The following TNS3 variants were observed in gnomAD, a reference collection of about 807,000 sequenced individuals.
TNS3 encodes the protein tensin-3.
In TNS3, 45 loss-of-function variants were observed where a neutral mutation model predicts 140.9. The ratio of observed to expected loss-of-function variants is 0.32; its 90% confidence interval spans 0.25 to 0.41. TNS3 has a LOEUF of 0.41. TNS3 is among the 10% of genes least tolerant of loss of function. The pLI is 1.00. For synonymous variants in TNS3, 815 were observed against 788.4 expected (o/e 1.03, Z -0.56); for missense variants, 1,716 against 1,906.7 (o/e 0.90, Z 1.86).
chr7:47,393,466 G>A (rs1792646694), intron 16 of TNS3, among the ~76,000 whole-genome samples: 1 of 152,136 alleles, frequency 6.6e-6, no homozygotes, highest in Admixed American at 6.5e-5. Flanking sequence ...GAAGGTTGCT[G>A]AGATCCAGTT....
At position 47,320,148 on chromosome 7, in the gene TNS3, G is replaced by A. The variant is rs139997033; in HGVS notation, c.2651-15145C>T. 3.0e-4 allele frequency among the ~76,000 whole-genome samples: 45 copies of A among 152,152 alleles called. No homozygotes were observed. In the East Asian group the frequency reaches 6.0e-3, roughly 20 times the overall value. ...TATTTTACTAATAGTGACTATCTGCGCGGTGCTCAGTGGGCTTACTTGACC... is the reference window on the plus strand; with the variant it reads ...TATTTTACTAATAGTGACTATCTGCACGGTGCTCAGTGGGCTTACTTGACC... On this transcript the variant is annotated intron_variant, in intron 20 of 30. Coordinates refer to ENST00000311160, the MANE Select transcript of TNS3 (RefSeq NM_022748.12).
At chr7:47,402,230 A>G (rs1362772589) in intron 13 of TNS3, among the ~76,000 whole-genome samples, 3 of 152,202 alleles carry the variant, frequency 2.0e-5, no homozygotes, top group African/African-American at 7.2e-5. Flanking sequence ...GGACGGGTAA[A>G]TAAACCAAAA....
At chr7:47,494,350 A>G (rs1399337025) in intron 3 of TNS3, among the ~76,000 whole-genome samples, 1 of 150,832 alleles carries the variant, frequency 6.6e-6, no homozygotes, top group Non-Finnish European at 1.5e-5. Flanking sequence ...CAACCTCCTG[A>G]GGTTCAATCG....
At chr7:47,464,746 G>A (rs1796634278) in intron 4 of TNS3, among the ~76,000 whole-genome samples, 1 of 152,078 alleles carries the variant, frequency 6.6e-6, no homozygotes, top group South Asian at 2.1e-4. Flanking sequence ...TTATACTAAC[G>A]ACCTTGTCAC....
rs577462984 is a variant in TNS3, at chr7:47,457,932, C to T, written c.-75-15877G>A. Among the ~76,000 whole-genome samples, 4 of 152,292 alleles carry T rather than the reference C, an allele frequency of 2.6e-5. No individual in the cohort carries two copies. In the East Asian group the frequency reaches 7.7e-4, roughly 29 times the overall value. On this transcript the variant is annotated intron_variant, in intron 4 of 30. Coordinates refer to ENST00000311160, the MANE Select transcript of TNS3 (RefSeq NM_022748.12). ...CCTCAGGTGCACCCTGAACTTGCTC[C>T]TAGCAGCTCACAAGCAGAAGCTTGA...
chr7:47,530,817 C>T (rs1799365664), intron 1 of TNS3, among the ~76,000 whole-genome samples: 2 of 24,774 alleles, frequency 8.1e-5, no homozygotes, highest in South Asian at 4.5e-3. Context: ...GAGTGAAACT[C>T]CATCTCAAAA....
At chr7:47,289,267 T>A (rs1297311271) in intron 27 of TNS3, among the ~76,000 whole-genome samples, 1 of 152,200 alleles carries the variant, frequency 6.6e-6, no homozygotes, top group African/African-American at 2.4e-5. Flanking sequence ...AATGGAGGTA[T>A]TTCTAGTCCA....
intron 9 of TNS3, among the ~76,000 whole-genome samples, chr7:47,425,049 T>A (rs1020174035): frequency 2.6e-5 from 4 of 152,196 alleles, no homozygotes; most frequent in African/African-American, 7.2e-5. Flanking sequence ...CTGGGTGCGG[T>A]GGCTCACGCC....
chr7:47,290,108 G>A (rs1469322624), intron 27 of TNS3, among the ~76,000 whole-genome samples: 2 of 152,166 alleles, frequency 1.3e-5, no homozygotes, highest in African/African-American at 2.4e-5. Flanking sequence ...TTAGACAAAA[G>A]AGCAAAGGGA....
chr7:47,525,759 A>T (rs995087465), intron 2 of TNS3, among the ~76,000 whole-genome samples: 1 of 152,214 alleles, frequency 6.6e-6, no homozygotes, highest in African/African-American at 2.4e-5. Flanking sequence ...GAACTCAATC[A>T]TGCATGCATG....
intron 3 of TNS3, among the ~76,000 whole-genome samples, chr7:47,499,907 T>G (rs184942193): frequency 2.3e-4 from 35 of 152,238 alleles, no homozygotes; most frequent in African/African-American, 8.2e-4. Context: ...GGTGCGGCGA[T>G]GCTGACGGCA....
At chr7:47,322,529 C>T (rs1787801780) in intron 20 of TNS3, among the ~76,000 whole-genome samples, 1 of 146,918 alleles carries the variant, frequency 6.8e-6, no homozygotes, top group Non-Finnish European at 1.5e-5. Context: ...ATCAAACAAA[C>T]AAACAAACAA....
rs112022948 is a variant in TNS3, at chr7:47,389,079, A to C, written c.1024+7721T>G. Reference sequence around the variant, plus strand: ...GAAGAAGAAGAAGAAGAAGAAGAAGAAGAAGAGGAAGAGGAAGAGGAAGCG... The same window carrying C: ...GAAGAAGAAGAAGAAGAAGAAGAAGCAGAAGAGGAAGAGGAAGAGGAAGCG... On this transcript the variant is annotated intron_variant, in intron 16 of 30. Coordinates refer to ENST00000311160, the MANE Select transcript of TNS3 (RefSeq NM_022748.12). Among the ~76,000 whole-genome samples, 43 of 62,128 alleles carry C rather than the reference A, an allele frequency of 6.9e-4. 12 individuals carry two copies. The highest frequency in any genetic ancestry group is 5.6e-3 in the East Asian group (7 of 1,248). 40.8% of individuals were successfully genotyped at this position (62,128 alleles called of 152,430 possible).
intron 16 of TNS3, among the ~76,000 whole-genome samples, chr7:47,388,817 A>T (rs1279606905): frequency 6.6e-6 from 1 of 151,998 alleles, no homozygotes; most frequent in Admixed American, 6.6e-5. Flanking sequence ...CAGTGAGCCA[A>T]GATTGGGCAG....
rs140485463 is a variant in TNS3, at chr7:47,545,312, G to A, written c.-264-16165C>T. Among the ~76,000 whole-genome samples the A allele has an allele frequency of 8.4e-3, 1,280 of 152,094 alleles. 7 individuals carry two copies. The highest frequency in any genetic ancestry group is 0.014 in the Non-Finnish European group (920 of 67,972). On this transcript the variant is annotated intron_variant, in intron 1 of 30. Coordinates refer to ENST00000311160, the MANE Select transcript of TNS3 (RefSeq NM_022748.12). The stretch of plus-strand genomic sequence containing the variant: ...GCACCACCATGCCCAGCTAATTTTT[G>A]TATTTTTAGTAGAGACAGGGTTTCA...
intron 16 of TNS3, among the ~76,000 whole-genome samples, chr7:47,391,611 T>A (rs1792522177): frequency 6.6e-6 from 1 of 152,192 alleles, no homozygotes; most frequent in South Asian, 2.1e-4. Context: ...AAATGAGATG[T>A]TCTCCATAGG....
At chr7:47,476,306 C>T (rs963041832) in intron 4 of TNS3, among the ~76,000 whole-genome samples, 1 of 152,196 alleles carries the variant, frequency 6.6e-6, no homozygotes, top group African/African-American at 2.4e-5. Context: ...CTAGTCCATG[C>T]TCACACCTAC....
chr7:47,373,996 G>A (rs1372092960), intron 16 of TNS3, among the ~76,000 whole-genome samples: 1 of 152,200 alleles, frequency 6.6e-6, no homozygotes, highest in African/African-American at 2.4e-5. Flanking sequence ...CTCTTCCCAG[G>A]CAGCACAGCC....
intron 1 of TNS3, among the ~76,000 whole-genome samples, chr7:47,570,393 G>A (rs1023286528): frequency 6.6e-6 from 1 of 152,146 alleles, no homozygotes; most frequent in African/African-American, 2.4e-5. Context: ...GGACTCCTGG[G>A]GACATTTGTC....
Sources: gnomAD v4.1 joint callset for allele counts (sites outside exome capture counted in the v4.1 genomes callset) on GRCh38, gnomAD v4.1.1 for gene constraint, MANE v1.5 for transcripts, NCBI Gene and HGNC (gene_info 2026-07-23, HGNC 2026-07-21) for gene names.